Variants in SCN3A observed in about 807,000 individuals in gnomAD.
SCN3A encodes the protein sodium voltage-gated channel alpha subunit 3.
In SCN3A, 60 loss-of-function variants were observed where a neutral mutation model predicts 187.6. The ratio of observed to expected loss-of-function variants is 0.32; its 90% confidence interval spans 0.26 to 0.40. SCN3A has a LOEUF of 0.40. SCN3A is among the 10% of genes least tolerant of loss of function. SCN3A has a pLI of 1.00. For synonymous variants in SCN3A, 788 were observed against 829.2 expected, an observed-to-expected ratio of 0.95 and a Z score of 0.85; for missense variants, 1,601 against 2,428.2, an observed-to-expected ratio of 0.66 and a Z score of 7.16.
rs778201948 is a variant in SCN3A, at chr2:165,162,346, T to G, written c.993A>C (p.Gln331His). Residue 331 changes from glutamine to histidine, a missense_variant, in exon 9 of 28, where the codon CAA becomes CAC. Transcript: ENST00000283254. ...DDSHFYVLDG[Q>H]KDPLLCGNGS... ...CATTTCCACAGAGTAAAGGGTCTTT[T>G]TGCCCATCCAAAACATAAAAGTGAC... The G allele has an allele frequency of 6.2e-7, 1 of 1,613,892 alleles. No individual in the cohort carries two copies. The highest frequency in any genetic ancestry group is 1.1e-5 in the South Asian group (1 of 91,040).
chr2:165,096,652 G>A (rs1685377578), intron 23 of SCN3A, 132 bp from the exon 24 acceptor site: 3 of 579,264 alleles, frequency 5.2e-6, no homozygotes, highest in Admixed American at 6.3e-5. Flanking sequence ...TCAAGAGATT[G>A]AAATAAAATT....
intron 15 of SCN3A, among the ~76,000 whole-genome samples, chr2:165,133,421 C>T (rs1046514527): frequency 6.6e-6 from 1 of 151,980 alleles, no homozygotes; most frequent in African/African-American, 2.4e-5. Flanking sequence ...GTGGCGCGAT[C>T]TTGGCTCACT....
At chr2:165,134,287 T>C (rs1011556398) in intron 15 of SCN3A, among the ~76,000 whole-genome samples, 2 of 152,230 alleles carry the variant, frequency 1.3e-5, no homozygotes, top group Non-Finnish European at 2.9e-5. Context: ...AAATTACTCT[T>C]GCAGAAAATC....
At chr2:165,091,419 C>A in intron 27 of SCN3A, 74 bp from the exon 28 acceptor site, 1 of 1,561,572 alleles carries the variant, frequency 6.4e-7, no homozygotes, top group South Asian at 1.1e-5. Flanking sequence ...TTTTTAAGGT[C>A]TATGAACACA....
rs1446087335 is a variant in SCN3A, at chr2:165,139,537, C to G, written c.2091G>C (p.Glu697Asp). Residue 697 changes from glutamate to aspartate, a missense_variant, in exon 14 of 28, where the codon GAG becomes GAC. Coordinates refer to ENST00000283254, the MANE Select transcript of SCN3A (RefSeq NM_006922.4). Reference protein sequence around the residue: ...SSYQISMEMLEDSSGRQRAVS... With the variant: ...SSYQISMEMLDDSSGRQRAVS... ...CGGCTCTTTGCCTTCCAGAGGAATCCTCCAGCATCTCCATTGAAATCTGGT... is the reference window on the plus strand; with the variant it reads ...CGGCTCTTTGCCTTCCAGAGGAATCGTCCAGCATCTCCATTGAAATCTGGT... 1 of 1,613,934 alleles carries G rather than the reference C, an allele frequency of 6.2e-7. No homozygotes were observed. The highest frequency in any genetic ancestry group is 8.5e-7 in the Non-Finnish European group (1 of 1,179,902).
chr2:165,094,386 T>G lies in SCN3A; in HGVS notation c.4524A>C (p.Ile1508=). ...KLGSKKPQKP[I]PRPANKFQGM... ...AAGTAATTCTTACTGCTGGGCGAGG[T>G]ATGGGTTTCTGAGGTTTCTTGGATC... Residue 1508 remains isoleucine (I), a synonymous_variant, in exon 26 of 28, where the codon ATA becomes ATC. Coordinates refer to ENST00000283254, the MANE Select transcript of SCN3A (RefSeq NM_006922.4). 6.2e-7 allele frequency: 1 copy of G among 1,612,272 alleles called. No individual in the cohort carries two copies. Among genetic ancestry groups the G allele is most frequent in the Non-Finnish European group, 8.5e-7 (1 of 1,178,438 alleles).
chr2:165,168,347 A>T (rs1689901747), intron 5 of SCN3A, among the ~76,000 whole-genome samples: 1 of 152,066 alleles, frequency 6.6e-6, no homozygotes, highest in Non-Finnish European at 1.5e-5. Context: ...AAAAACCTAA[A>T]TCTATTCTAT....
rs535522382 is a variant in SCN3A, at chr2:165,094,077, G to C, written c.4536+297C>G. The C allele has an allele frequency of 1.2e-4, 48 of 397,964 alleles. No homozygotes were observed. The South Asian group carries it at 1.3e-3, about 11-fold the overall frequency. 24.7% of individuals were successfully genotyped at this position (397,964 alleles called of 1,614,324 possible). On this transcript the variant is annotated intron_variant, in intron 26 of 27. Coordinates refer to ENST00000283254, the MANE Select transcript of SCN3A (RefSeq NM_006922.4). ...GAGTGGGATGGGAAGGCTAGAGGAGGAGGAACCAGGTGTGCTGTTGGTAGC... is the reference window on the plus strand; with the variant it reads ...GAGTGGGATGGGAAGGCTAGAGGAGCAGGAACCAGGTGTGCTGTTGGTAGC...
At chr2:165,122,229 TC>T (rs1367589757) in intron 18 of SCN3A, among the ~76,000 whole-genome samples, 1 of 97,230 alleles carries the variant, frequency 1.0e-5, no homozygotes, top group Non-Finnish European at 2.1e-5. Flanking sequence ...TTTCTTTCTT[TC>T]TTTTTTTTCT....
Position 165,090,489 on chromosome 2 carries a change from A to G in SCN3A, c.5664T>C (p.Tyr1888=). 3 of 1,614,042 alleles carry G rather than the reference A, an allele frequency of 1.9e-6. No homozygotes were observed. Among genetic ancestry groups the G allele is most frequent in the Non-Finnish European group, 2.5e-6 (3 of 1,179,974 alleles). Reference sequence around the variant, plus strand: ...GTTTCAAAGTGGTTGTAATAGGCTCATAAGAGACTTTGGAGGGGTTTGATG... The same window carrying G: ...GTTTCAAAGTGGTTGTAATAGGCTCGTAAGAGACTTTGGAGGGGTTTGATG... ...FMASNPSKVS[Y]EPITTTLKRK... is the part of the protein sequence containing the mutation. The change falls in exon 28 of 28, where the codon TAT becomes TAC. Residue 1888 remains tyrosine (Y), a synonymous_variant. Transcript: ENST00000283254. The surrounding 1 kb of genome is among the most constrained non-coding windows in gnomAD (Gnocchi z 4.0).
chr2:165,149,043 A>G (rs1177617334), intron 11 of SCN3A, among the ~76,000 whole-genome samples: 1 of 152,108 alleles, frequency 6.6e-6, no homozygotes, highest in Non-Finnish European at 1.5e-5. Flanking sequence ...TCTCTTTTCT[A>G]TTTTATATAG....
At chr2:165,166,460 T>C (rs1689763066) in intron 5 of SCN3A, among the ~76,000 whole-genome samples, 3 of 152,214 alleles carry the variant, frequency 2.0e-5, no homozygotes, top group Admixed American at 2.0e-4. Context: ...ATTTGGCTAA[T>C]CTTAATTGTT....
At chr2:165,203,535 T>TA (rs1180231375) in intron 1 of SCN3A, among the ~76,000 whole-genome samples, 1 of 151,978 alleles carries the variant, frequency 6.6e-6, no homozygotes, top group Non-Finnish European at 1.5e-5. Flanking sequence ...TTAAGTATAA[T>TA]AAAAAATATT....
At position 165,201,179 on chromosome 2, in the gene SCN3A, T is replaced by C. The variant is rs555127724; in HGVS notation, c.-248+2644A>G. 3.3e-5 allele frequency among the ~76,000 whole-genome samples: 5 copies of C among 152,186 alleles called. No homozygotes were observed. The East Asian group carries it at 9.7e-4, about 30-fold the overall frequency. ...GAAAGTTTTGAAGTCCGTGATAACA[T>C]ATTGGGCATAAATAACTGTCTTCTG... is the stretch of plus-strand genomic sequence containing the variant. On this transcript the variant is annotated intron_variant, in intron 1 of 27. Coordinates refer to ENST00000283254, the MANE Select transcript of SCN3A (RefSeq NM_006922.4).
intron 12 of SCN3A, among the ~76,000 whole-genome samples, chr2:165,146,257 T>G (rs1415288904): frequency 6.6e-6 from 1 of 151,878 alleles, no homozygotes; most frequent in Non-Finnish European, 1.5e-5. Flanking sequence ...CAACTTTGGA[T>G]AACAAAGGCA....
At chr2:165,155,176 A>T (rs1444659792) in intron 10 of SCN3A, among the ~76,000 whole-genome samples, 2 of 152,198 alleles carry the variant, frequency 1.3e-5, no homozygotes, top group Non-Finnish European at 2.9e-5. Context: ...TCTAAGAGTC[A>T]TGAGCATCTC....
intron 9 of SCN3A, 53 bp downstream of exon 9, chr2:165,162,255 T>C: frequency 1.6e-6 from 2 of 1,220,370 alleles, no homozygotes; most frequent in African/African-American, 2.3e-5. Context: ...TCCTACCTAC[T>C]TTTTTTTTTC....
intron 24 of SCN3A, among the ~76,000 whole-genome samples, chr2:165,096,053 G>C (rs548878656): frequency 3.3e-5 from 5 of 152,198 alleles, no homozygotes; most frequent in Admixed American, 6.6e-5. Flanking sequence ...ATATTCTGTG[G>C]AGTTATTTTT....
chr2:165,134,092 A>G (rs1284478007), intron 15 of SCN3A, among the ~76,000 whole-genome samples: 3 of 152,192 alleles, frequency 2.0e-5, no homozygotes, highest in Non-Finnish European at 4.4e-5. Flanking sequence ...GAAGCTGCAG[A>G]TTTAATTGAA....
Sources: gnomAD v4.1 joint callset for allele counts (sites outside exome capture counted in the v4.1 genomes callset) on GRCh38, gnomAD v4.1.1 for gene constraint, Gnocchi (gnomAD v3.1) non-coding constraint, MANE v1.5 for transcripts, NCBI Gene and HGNC (gene_info 2026-07-23, HGNC 2026-07-21) for gene names.